Variants in SLC25A37 observed in about 807,000 individuals in gnomAD.
The protein encoded by SLC25A37 is mitoferrin-1.
Under a neutral mutation model 31.0 loss-of-function variants are expected in SLC25A37, and 17 were observed. The ratio of observed to expected loss-of-function variants is 0.55; its 90% CI spans 0.38 to 0.82. The LOEUF is 0.82. Ranked by LOEUF, SLC25A37 falls within the 40% of genes least tolerant of loss-of-function variation. The probability of loss-of-function intolerance (pLI) is 0.00; values close to 1 mark genes in which losing one functional copy is unlikely to be tolerated. For missense variants in SLC25A37, 404 were observed against 465.8 expected (o/e 0.87, Z 1.22); for synonymous variants, 222 against 193.0 (o/e 1.15, Z -1.24).
chr8:23,541,876 A>C (rs1801902981), intron 1 of SLC25A37: 2 of 152,200 alleles, frequency 1.3e-5, no homozygotes, highest in African/African-American at 4.8e-5. Flanking sequence ...TATACATATG[A>C]GGGTGGAAGG....
chr8:23,550,598 C>G (rs1802197190), intron 1 of SLC25A37, among the ~76,000 whole-genome samples: 1 of 152,250 alleles, frequency 6.6e-6, no homozygotes, highest in Non-Finnish European at 1.5e-5. Flanking sequence ...AGGTGCCTGG[C>G]TCCCTGGCCT....
chr8:23,547,784 G>GAAGTT (rs1377049228), intron 1 of SLC25A37, among the ~76,000 whole-genome samples: 9 of 152,284 alleles, frequency 5.9e-5, no homozygotes, highest in African/African-American at 1.9e-4. Context: ...AACTTCCAAC[G>GAAGTT]ACAACACTTC....
Position 23,571,330 on chromosome 8 carries a change from C to A in SLC25A37, c.497-5C>A. ...GTCTGGCCTGCCCCGCGGTTCCAACCACAGTGGTGAAGCAGCGCTTGCAGA... is the reference window on the plus strand; with the variant it reads ...GTCTGGCCTGCCCCGCGGTTCCAACAACAGTGGTGAAGCAGCGCTTGCAGA... On this transcript the variant is annotated splice_region_variant and splice_polypyrimidine_tract_variant and intron_variant, in intron 3 of 3. Coordinates refer to ENST00000519973, the MANE Select transcript of SLC25A37 (RefSeq NM_016612.4). 1 of 1,566,382 alleles carries A rather than the reference C, an allele frequency of 6.4e-7. No individual in the cohort carries two copies. Among genetic ancestry groups the A allele is most frequent in the Non-Finnish European group, 8.7e-7 (1 of 1,155,242 alleles).
chr8:23,562,047 G>C (rs1206189551), intron 1 of SLC25A37, among the ~76,000 whole-genome samples: 4 of 152,192 alleles, frequency 2.6e-5, no homozygotes, highest in Non-Finnish European at 4.4e-5. Context: ...GCTCAATGGG[G>C]CTCTGGAACT....
intron 1 of SLC25A37, among the ~76,000 whole-genome samples, chr8:23,540,928 T>G (rs1291501482): frequency 6.6e-6 from 1 of 152,204 alleles, no homozygotes; most frequent in Admixed American, 6.5e-5. Context: ...TCATGGTATT[T>G]ATTATCACAC....
chr8:23,544,308 C>A (rs993388471), intron 1 of SLC25A37, among the ~76,000 whole-genome samples: 13 of 152,170 alleles, frequency 8.5e-5, no homozygotes, highest in African/African-American at 3.1e-4. Flanking sequence ...TGTGCGGTAG[C>A]TATCCCCTCT....
At chr8:23,533,255 G>A (rs1395336292) in intron 1 of SLC25A37, among the ~76,000 whole-genome samples, 1 of 152,196 alleles carries the variant, frequency 6.6e-6, no homozygotes, top group Non-Finnish European at 1.5e-5. Flanking sequence ...GGGGCAGGCT[G>A]GAGCGTGGTT....
At chr8:23,542,363 A>G (rs568962487) in intron 1 of SLC25A37, among the ~76,000 whole-genome samples, 1 of 147,314 alleles carries the variant, frequency 6.8e-6, no homozygotes, top group South Asian at 2.1e-4. Flanking sequence ...TCATTACTTT[A>G]GAGTGTACTC....
At chr8:23,570,032 G>T (rs1022988475) in intron 3 of SLC25A37, among the ~76,000 whole-genome samples, 1 of 150,852 alleles carries the variant, frequency 6.6e-6, no homozygotes, top group Non-Finnish European at 1.5e-5. Flanking sequence ...CCATGTCCTA[G>T]CAGATAGAGG....
chr8:23,571,417 G>A lies in SLC25A37; in HGVS notation c.579G>A (p.Gly193=), dbSNP rs774257244. 6.2e-7 allele frequency: 1 copy of A among 1,613,882 alleles called. No individual in the cohort carries two copies. The highest frequency in any genetic ancestry group is 1.1e-5 in the South Asian group (1 of 91,084). ...TCCGGACGGTGTGGAGGACCGAGGG[G>A]TTGGGGGCCTTCTACCGGAGCTACA... ...SCIRTVWRTE[G]LGAFYRSYTT... is the part of the protein sequence containing the mutation. The change falls in exon 4 of 4, where the codon GGG becomes GGA. Residue 193 remains glycine, a synonymous_variant. Transcript: ENST00000519973.
At chr8:23,551,602 TAAAA>T (rs1489420243) in intron 1 of SLC25A37, among the ~76,000 whole-genome samples, 1 of 148,136 alleles carries the variant, frequency 6.8e-6, no homozygotes, top group Non-Finnish European at 1.5e-5. Context: ...AAAGCAGAAA[TAAAA>T]GCAGCAGGCA....
Position 23,566,098 on chromosome 8 carries a change from C to A in SLC25A37, c.211-10C>A, listed in dbSNP as rs201160338. ...ATTTTTGTTTGTTTTCTCTTCTTGC[C>A]CGCTCCCAGACACGAATGCAGAGTT... On this transcript the variant is annotated splice_polypyrimidine_tract_variant and intron_variant, in intron 1 of 3. Transcript: ENST00000519973. The A allele has an allele frequency of 8.3e-6, 13 of 1,568,778 alleles. No individual in the cohort carries two copies. The highest frequency in any genetic ancestry group is 1.1e-5 in the Non-Finnish European group (13 of 1,165,634).
rs559912661 is a variant in SLC25A37, at chr8:23,543,664, T to G, written c.210+14452T>G. ...ATTCTCCTTCCCCAGCTTCCCGAGT[T>G]GCTGGGACTACAGGCGCCTGCCACC... On this transcript the variant is annotated intron_variant, in intron 1 of 3. Coordinates refer to ENST00000519973, the MANE Select transcript of SLC25A37 (RefSeq NM_016612.4). 1.7e-4 allele frequency among the ~76,000 whole-genome samples: 26 copies of G among 152,278 alleles called. 1 individual carries two copies. The South Asian group carries it at 5.2e-3, about 30-fold the overall frequency.
At chr8:23,546,701 C>A (rs7820922) in intron 1 of SLC25A37, among the ~76,000 whole-genome samples, 56,032 of 150,080 alleles carry the variant, frequency 0.37, 12,074 homozygotes, top group East Asian at 0.61. Context: ...TTGTATTTAG[C>A]CCTTAGAGCT....
At chr8:23,562,356 A>C (rs7830129) in intron 1 of SLC25A37, among the ~76,000 whole-genome samples, 133 of 152,158 alleles carry the variant, frequency 8.7e-4, no homozygotes, top group African/African-American at 3.1e-3. Flanking sequence ...GTCCAAATTA[A>C]AGGTGATGGC....
chr8:23,534,781 C>T (rs1229903218), intron 1 of SLC25A37, among the ~76,000 whole-genome samples: 1 of 152,176 alleles, frequency 6.6e-6, no homozygotes, highest in Admixed American at 6.5e-5. Context: ...GGGTTAAGCC[C>T]TCGCTGCACT....
At chr8:23,544,762 A>G (rs7829094) in intron 1 of SLC25A37, among the ~76,000 whole-genome samples, 56,856 of 152,014 alleles carry the variant, frequency 0.37, 12,301 homozygotes, top group East Asian at 0.61. Flanking sequence ...CCTGCATGCC[A>G]CTGACACTCT....
In SLC25A37 at chr8:23,574,174, G is replaced by A. The variant is rs1295566181; in HGVS notation, c.*2319G>A. ...TTTGGTTAGAGGGATGCAAGAAGGAGAGGTGAAGGTGGCGTGTGGTGGCTC... is the reference window on the plus strand; with the variant it reads ...TTTGGTTAGAGGGATGCAAGAAGGAAAGGTGAAGGTGGCGTGTGGTGGCTC... On this transcript the variant is annotated 3_prime_UTR_variant, in exon 4 of 4. Transcript: ENST00000519973. 1 of 276,160 alleles carries A rather than the reference G, an allele frequency of 3.6e-6. No homozygotes were observed. Among genetic ancestry groups the A allele is most frequent in the Non-Finnish European group, 7.3e-6 (1 of 136,434 alleles). The allele number at this position is 276,160 out of a possible 1,614,324, so 17.1% of individuals were successfully genotyped here. A position where few individuals can be genotyped will look rare whatever the true frequency, so the allele number is the denominator to read the frequency against.
rs984910285 is a variant in SLC25A37 at position 23,574,955 on chromosome 8, T to C, written c.*3100T>C. The C allele has an allele frequency of 1.3e-5, 2 of 152,516 alleles. No individual in the cohort carries two copies. Among genetic ancestry groups the C allele is most frequent in the Non-Finnish European group, 2.9e-5 (2 of 68,228 alleles). 9.4% of individuals were successfully genotyped at this position (152,516 alleles called of 1,614,324 possible). On this transcript the variant is annotated 3_prime_UTR_variant, in exon 4 of 4. Transcript: ENST00000519973. ...CCATGATTTGAGGTTCAACTACCTG[T>C]AGATCAAAGCTTTATTTTAGAACGA...
Sources: gnomAD v4.1 joint callset for allele counts (sites outside exome capture counted in the v4.1 genomes callset) on GRCh38, gnomAD v4.1.1 for gene constraint, MANE v1.5 for transcripts, NCBI Gene and HGNC (gene_info 2026-07-23, HGNC 2026-07-21) for gene names.